Variants in CSMD1 observed in about 807,000 individuals in gnomAD.
CSMD1 encodes the protein CUB and Sushi multiple domains 1, also known as CUB and sushi domain-containing protein 1.
A neutral mutation model predicts 417.5 loss-of-function variants in CSMD1; 213 were observed. The ratio of observed to expected loss-of-function variants is 0.51; its 90% CI spans 0.46 to 0.57. The LOEUF is 0.57. Ranked by LOEUF, CSMD1 falls within the 20% of genes least tolerant of loss-of-function variation. CSMD1 has a pLI of 0.00. For missense variants in CSMD1, 6,923 were observed against 4,529.7 expected (o/e 1.53, Z -15.17); for synonymous variants, 2,862 against 1,736.8 (o/e 1.65, Z -16.11).
chr8:3,266,241 T>C (rs1412965232), intron 26 of CSMD1, among the ~76,000 whole-genome samples: 2 of 150,658 alleles, frequency 1.3e-5, no homozygotes, highest in Non-Finnish European at 3.0e-5. Flanking sequence ...GGGATGATCA[T>C]GAAAACCTAG....
chr8:4,860,445 C>G (rs944871297), intron 1 of CSMD1, among the ~76,000 whole-genome samples: 1 of 151,832 alleles, frequency 6.6e-6, no homozygotes, highest in Non-Finnish European at 1.5e-5. Context: ...TCCACCCTTG[C>G]TCTCTTGGCC....
intron 2 of CSMD1, among the ~76,000 whole-genome samples, chr8:4,521,640 G>A (rs138439054): frequency 1.6e-4 from 25 of 152,290 alleles, no homozygotes; most frequent in African/African-American, 5.8e-4. Flanking sequence ...CTTTATGGTA[G>A]AAAAAGGTGG....
intron 3 of CSMD1, among the ~76,000 whole-genome samples, chr8:4,093,105 C>T (rs992991027): frequency 6.6e-6 from 1 of 151,976 alleles, no homozygotes; most frequent in Non-Finnish European, 1.5e-5. Flanking sequence ...ACTCAAAGGC[C>T]CTTGTGCCTA....
chr8:3,705,002 T>A (rs1262825788), intron 7 of CSMD1: 2 of 152,256 alleles, frequency 1.3e-5, no homozygotes, highest in Non-Finnish European at 2.9e-5. Context: ...GAACTTGCCC[T>A]CTCGAATTCA....
At chr8:3,434,762 A>G (rs1350589883) in intron 12 of CSMD1, among the ~76,000 whole-genome samples, 1 of 152,130 alleles carries the variant, frequency 6.6e-6, no homozygotes, top group Non-Finnish European at 1.5e-5. Flanking sequence ...GTCTGCTCCC[A>G]TCTTGTATTC....
At chr8:4,934,924 C>A (rs1457622777) in intron 1 of CSMD1, among the ~76,000 whole-genome samples, 7 of 152,180 alleles carry the variant, frequency 4.6e-5, no homozygotes, top group Non-Finnish European at 1.0e-4. Flanking sequence ...AATCAGCAAT[C>A]ATCCATCAAT....
intron 5 of CSMD1, among the ~76,000 whole-genome samples, chr8:3,756,994 G>C (rs930321998): frequency 6.6e-6 from 1 of 152,004 alleles, no homozygotes; most frequent in African/African-American, 2.4e-5. Context: ...AGAGACTGGG[G>C]GTCTCACTAT....
chr8:3,712,331 A>G (rs1461377505), intron 6 of CSMD1, among the ~76,000 whole-genome samples: 2 of 151,328 alleles, frequency 1.3e-5, no homozygotes, highest in Non-Finnish European at 1.5e-5. Flanking sequence ...CCTCCCTCCA[A>G]CTGCCCTCAG....
At chr8:3,926,879 C>A (rs989403077) in intron 5 of CSMD1, among the ~76,000 whole-genome samples, 3 of 151,662 alleles carry the variant, frequency 2.0e-5, no homozygotes, top group South Asian at 2.1e-4. Flanking sequence ...CGACACCCAG[C>A]TAAGTTTTGT....
intron 5 of CSMD1, among the ~76,000 whole-genome samples, chr8:3,797,374 G>A (rs1300173119): frequency 2.0e-5 from 3 of 151,954 alleles, no homozygotes; most frequent in Non-Finnish European, 4.4e-5. Context: ...CACCCCGGAT[G>A]CAGGCATAAA....
intron 11 of CSMD1, 113 bp from the exon 12 acceptor site, chr8:3,468,937 C>A: frequency 3.2e-6 from 2 of 625,514 alleles, no homozygotes; most frequent in Non-Finnish European, 2.8e-6. Context: ...ATATAGGTAG[C>A]AAGACCCTCT....
chr8:3,973,997 T>C (rs914578534), intron 5 of CSMD1, among the ~76,000 whole-genome samples: 5 of 152,204 alleles, frequency 3.3e-5, no homozygotes, highest in Admixed American at 1.3e-4. Context: ...TTGCAAACAA[T>C]GCAATTACAC....
At chr8:4,245,675 G>C (rs1802661485) in intron 3 of CSMD1, among the ~76,000 whole-genome samples, 2 of 151,944 alleles carry the variant, frequency 1.3e-5, no homozygotes, top group South Asian at 4.2e-4. Flanking sequence ...CCATATGAAT[G>C]ACAATTTAAA....
intron 10 of CSMD1, among the ~76,000 whole-genome samples, chr8:3,503,840 C>CG (rs1356008951): frequency 1.4e-5 from 2 of 146,708 alleles, no homozygotes; most frequent in Admixed American, 6.8e-5. Context: ...CTTGCCCCCC[C>CG]CCAACCCCCA....
chr8:3,969,522 G>C (rs1218891890), intron 5 of CSMD1, among the ~76,000 whole-genome samples: 1 of 151,984 alleles, frequency 6.6e-6, no homozygotes, highest in African/African-American at 2.4e-5. Context: ...TATTTAACTT[G>C]GTGAAATCTC....
chr8:3,720,363 T>G (rs1364776728), intron 6 of CSMD1, among the ~76,000 whole-genome samples: 2 of 152,336 alleles, frequency 1.3e-5, no homozygotes, highest in East Asian at 3.9e-4. Flanking sequence ...CTGATACTGC[T>G]TCTGCCTTTT....
intron 5 of CSMD1, among the ~76,000 whole-genome samples, chr8:3,794,152 T>C (rs755603906): frequency 4.7e-4 from 71 of 152,250 alleles, no homozygotes; most frequent in Non-Finnish European, 7.4e-4. Context: ...TTTCCCATTA[T>C]CCCAGCAAAT....
intron 8 of CSMD1, among the ~76,000 whole-genome samples, chr8:3,587,954 C>T (rs1800677047): frequency 6.6e-6 from 1 of 152,070 alleles, no homozygotes; most frequent in East Asian, 1.9e-4. Flanking sequence ...AAAAACAAAA[C>T]CCAGTCGTGA....
intron 5 of CSMD1, among the ~76,000 whole-genome samples, chr8:3,980,509 CTA>C (rs1431716333): frequency 6.6e-6 from 1 of 151,234 alleles, no homozygotes; most frequent in East Asian, 2.0e-4. Context: ...GTCTCTGCTT[CTA>C]TGTTGTTTAT....
Sources: allele counts gnomAD v4.1 joint callset (sites outside exome capture counted in the v4.1 genomes callset), GRCh38; gene constraint gnomAD v4.1.1; transcripts MANE v1.5; gene names NCBI Gene and HGNC (gene_info 2026-07-23, HGNC 2026-07-21).